NRF1: variants seen among roughly 807,000 people sequenced by gnomAD.
The protein encoded by NRF1 is nuclear respiratory factor 1.
Under a neutral mutation model 58.5 loss-of-function variants are expected in NRF1, and 5 were observed. The ratio of observed to expected loss-of-function variants is 0.09; its 90% CI spans 0.04 to 0.18. The LOEUF is 0.18. Ranked by LOEUF, NRF1 falls within the 10% of genes least tolerant of loss-of-function variation. The pLI is 1.00. For synonymous variants in NRF1, 224 were observed against 246.7 expected, an observed-to-expected ratio of 0.91 and a Z score of 0.86; for missense variants, 288 against 657.7, an observed-to-expected ratio of 0.44 and a Z score of 6.15.
Position 129,626,012 on chromosome 7 carries a change from G to A in NRF1, c.-7+14188G>A, listed in dbSNP as rs1000556240. ...TTTTAATTTTTGTTTTAGAGACAGG[G>A]TCTTACTGTGTTGGCCAGGCTGGTC... On this transcript the variant is annotated intron_variant, in intron 1 of 10. Coordinates refer to ENST00000393232, the MANE Select transcript of NRF1 (RefSeq NM_005011.5). Among the ~76,000 whole-genome samples, 3 of 152,070 alleles carry A rather than the reference G, an allele frequency of 2.0e-5. No homozygotes were observed. The South Asian group carries it at 6.2e-4, about 32-fold the overall frequency.
chr7:129,697,540 G>A (rs947635497), intron 5 of NRF1, among the ~76,000 whole-genome samples: 1 of 147,472 alleles, frequency 6.8e-6, no homozygotes, highest in Non-Finnish European at 1.5e-5. Context: ...AGAGTGAGAC[G>A]CAGTCTCAAA....
At chr7:129,715,736 A>G (rs1803171573) in intron 8 of NRF1, among the ~76,000 whole-genome samples, 2 of 152,178 alleles carry the variant, frequency 1.3e-5, no homozygotes, top group Non-Finnish European at 2.9e-5. Flanking sequence ...TGATGTTTCT[A>G]TATAATGCAA....
intron 5 of NRF1, among the ~76,000 whole-genome samples, chr7:129,698,876 TG>T (rs1802756262): frequency 6.6e-6 from 1 of 152,244 alleles, no homozygotes; most frequent in Non-Finnish European, 1.5e-5. Context: ...AAATCAGTTC[TG>T]CTCTTTACCA....
At chr7:129,642,720 AC>A (rs537916438) in intron 1 of NRF1, among the ~76,000 whole-genome samples, 40 of 151,098 alleles carry the variant, frequency 2.6e-4, no homozygotes, top group Non-Finnish European at 5.5e-4. Context: ...CCCCCAAAGA[AC>A]ACAAGTCACT....
At chr7:129,620,160 G>A (rs1484294016) in intron 1 of NRF1, among the ~76,000 whole-genome samples, 1 of 152,182 alleles carries the variant, frequency 6.6e-6, no homozygotes, top group Non-Finnish European at 1.5e-5. Flanking sequence ...TCTTGAGTAG[G>A]TGTCTCAGGT....
chr7:129,614,511 C>T (rs1266383990), intron 1 of NRF1, among the ~76,000 whole-genome samples: 1 of 146,046 alleles, frequency 6.8e-6, no homozygotes, highest in Non-Finnish European at 1.5e-5. Flanking sequence ...AGATGGGGAT[C>T]TTGCTATGTT....
chr7:129,646,315 C>A (rs1309594104), intron 1 of NRF1, among the ~76,000 whole-genome samples: 1 of 152,194 alleles, frequency 6.6e-6, no homozygotes, highest in East Asian at 1.9e-4. Context: ...TGCTTACCAG[C>A]ACTGTATGAG....
chr7:129,646,073 C>CT (rs1284185573), intron 1 of NRF1, among the ~76,000 whole-genome samples: 4 of 152,194 alleles, frequency 2.6e-5, no homozygotes, highest in Non-Finnish European at 4.4e-5. Context: ...TGGTCTTGAA[C>CT]TTCTGACCTC....
At chr7:129,695,644 A>G (rs1206392086) in intron 5 of NRF1, among the ~76,000 whole-genome samples, 1 of 149,222 alleles carries the variant, frequency 6.7e-6, no homozygotes, top group African/African-American at 2.4e-5. Flanking sequence ...TGAGGGGTTT[A>G]GGGCTTTATT....
chr7:129,613,939 A>G (rs545590480), intron 1 of NRF1, among the ~76,000 whole-genome samples: 2 of 151,322 alleles, frequency 1.3e-5, no homozygotes, highest in Non-Finnish European at 2.9e-5. Context: ...AAAAACAAAA[A>G]CTCTACTTAA....
At chr7:129,690,664 T>G in intron 5 of NRF1, 118 bp downstream of exon 5, 2 of 1,090,692 alleles carry the variant, frequency 1.8e-6, no homozygotes, top group Non-Finnish European at 2.7e-6. Flanking sequence ...AGATGCTGAC[T>G]GGAGTCTTGT....
intron 1 of NRF1, among the ~76,000 whole-genome samples, chr7:129,627,632 T>G (rs1450317229): frequency 1.3e-5 from 2 of 152,196 alleles, no homozygotes; most frequent in Non-Finnish European, 2.9e-5. Flanking sequence ...ACAATTTGAT[T>G]GTGTGGGGTG....
chr7:129,624,710 T>C (rs915566336), intron 1 of NRF1, among the ~76,000 whole-genome samples: 3 of 152,086 alleles, frequency 2.0e-5, no homozygotes, highest in Non-Finnish European at 4.4e-5. Flanking sequence ...GGAGACAACG[T>C]CTCTGTGTTG....
intron 2 of NRF1, among the ~76,000 whole-genome samples, chr7:129,669,103 A>T (rs1315021689): frequency 6.6e-6 from 1 of 152,056 alleles, no homozygotes; most frequent in Non-Finnish European, 1.5e-5. Context: ...GTGCACCACC[A>T]TGCCCAGCTA....
At chr7:129,733,774 A>T (rs1048272752) in intron 10 of NRF1, among the ~76,000 whole-genome samples, 2 of 152,146 alleles carry the variant, frequency 1.3e-5, no homozygotes, top group African/African-American at 4.8e-5. Context: ...CTATAATCCT[A>T]ACGCTTTGAA....
chr7:129,636,853 T>C (rs1419015855), intron 1 of NRF1, among the ~76,000 whole-genome samples: 1 of 152,238 alleles, frequency 6.6e-6, no homozygotes, highest in African/African-American at 2.4e-5. Flanking sequence ...GCTTGAATCA[T>C]ATTGAACTTC....
intron 1 of NRF1, among the ~76,000 whole-genome samples, chr7:129,625,172 C>A (rs1183530459): frequency 1.3e-5 from 2 of 152,164 alleles, no homozygotes; most frequent in African/African-American, 4.8e-5. Context: ...TTTCTGCCTC[C>A]ATGGTCTCAT....
At chr7:129,707,590 T>C (rs1309532561) in intron 5 of NRF1, among the ~76,000 whole-genome samples, 1 of 152,204 alleles carries the variant, frequency 6.6e-6, no homozygotes, top group African/African-American at 2.4e-5. Flanking sequence ...AAAATGACTT[T>C]GAGATGTACT....
In NRF1 at chr7:129,659,073, C is replaced by CTTTTTTT. The variant is rs780109640; in HGVS notation, c.223+1516_223+1522dup. On this transcript the variant is annotated intron_variant, in intron 2 of 10. Transcript: ENST00000393232. ...CAACTGTATTTTAAACACCACAGGA[C>CTTTTTTT]TTTTTTTTTTTTTTTTTTTTTTTGA... is the stretch of plus-strand genomic sequence containing the variant. Among the ~76,000 whole-genome samples the CTTTTTTT allele has an allele frequency of 1.1e-3, 98 of 88,156 alleles. 6 individuals are homozygous for CTTTTTTT. Among genetic ancestry groups the CTTTTTTT allele is most frequent in the South Asian group, 1.3e-3 (3 of 2,288 alleles). 57.8% of individuals were successfully genotyped at this position (88,156 alleles called of 152,430 possible). A position where few individuals can be genotyped will look rare whatever the true frequency, so the allele number is the denominator to read the frequency against.
Sources: allele counts gnomAD v4.1 joint callset (sites outside exome capture counted in the v4.1 genomes callset), GRCh38; gene constraint gnomAD v4.1.1; transcripts MANE v1.5; gene names NCBI Gene and HGNC (gene_info 2026-07-23, HGNC 2026-07-21).